Variants in ADRA1B observed in about 807,000 individuals in gnomAD.
ADRA1B encodes alpha-1B adrenergic receptor.
In ADRA1B, 17 loss-of-function variants were observed where a neutral mutation model predicts 17.9. That is an observed-to-expected ratio of 0.95 (90% CI 0.65 to 1.42). The LOEUF (loss-of-function observed/expected upper bound fraction) is 1.42, where lower values mean the gene tolerates loss of function less well. ADRA1B is among the 40% of genes most tolerant of loss of function. The pLI is 0.00. For missense variants in ADRA1B, 681 were observed against 722.1 expected (o/e 0.94, Z 0.65); for synonymous variants, 366 against 327.6 (o/e 1.12, Z -1.27).
chr5:159,964,346 C>T (rs1210766666), intron 1 of ADRA1B, among the ~76,000 whole-genome samples: 2 of 152,316 alleles, frequency 1.3e-5, no homozygotes, highest in African/African-American at 4.8e-5. Flanking sequence ...AAAGAGGGAG[C>T]AGGCCTCATT....
chr5:159,947,333 C>A (rs1201181006), intron 1 of ADRA1B, among the ~76,000 whole-genome samples: 2 of 151,786 alleles, frequency 1.3e-5, no homozygotes, highest in Non-Finnish European at 2.9e-5. Context: ...CAGAGCGAAA[C>A]TCCATCTTAA....
chr5:159,942,144 G>C (rs186275496), intron 1 of ADRA1B, among the ~76,000 whole-genome samples: 24 of 152,106 alleles, frequency 1.6e-4, no homozygotes, highest in Middle Eastern at 6.8e-3. Context: ...GGATGGTCTT[G>C]ATCTCCTGAC....
chr5:159,956,139 A>C (rs56001614), intron 1 of ADRA1B, among the ~76,000 whole-genome samples: 9,095 of 152,160 alleles, frequency 0.06, 334 homozygotes, highest in Middle Eastern at 0.078. Flanking sequence ...TACTCAGAAG[A>C]CTGAGGCAGG....
chr5:159,925,044 G>A (rs1316823063), intron 1 of ADRA1B, among the ~76,000 whole-genome samples: 1 of 152,182 alleles, frequency 6.6e-6, no homozygotes, highest in African/African-American at 2.4e-5. Flanking sequence ...AGCTCAGAGA[G>A]ATTGAGTGAT....
At chr5:159,921,107 T>A (rs1754467207) in intron 1 of ADRA1B, among the ~76,000 whole-genome samples, 1 of 152,188 alleles carries the variant, frequency 6.6e-6, no homozygotes, top group East Asian at 1.9e-4. Context: ...TTTTCCTTCA[T>A]CTCTTATTTT....
At chr5:159,931,009 T>A (rs1334448984) in intron 1 of ADRA1B, among the ~76,000 whole-genome samples, 1 of 147,366 alleles carries the variant, frequency 6.8e-6, no homozygotes, top group Admixed American at 6.8e-5. Context: ...TTTATAATAT[T>A]TATTATATAT....
intron 1 of ADRA1B, among the ~76,000 whole-genome samples, chr5:159,902,917 C>A (rs1340870833): frequency 6.6e-6 from 1 of 152,222 alleles, no homozygotes; most frequent in Non-Finnish European, 1.5e-5. Flanking sequence ...CTATTCCCCT[C>A]CTGATGAGTC....
At chr5:159,889,436 C>T (rs1753959270) in intron 1 of ADRA1B, among the ~76,000 whole-genome samples, 1 of 152,190 alleles carries the variant, frequency 6.6e-6, no homozygotes, top group Non-Finnish European at 1.5e-5. Context: ...CTTGAAGCCT[C>T]TTCCTATTTG....
At chr5:159,942,341 G>A (rs1428143315) in intron 1 of ADRA1B, among the ~76,000 whole-genome samples, 1 of 152,160 alleles carries the variant, frequency 6.6e-6, no homozygotes, top group African/African-American at 2.4e-5. Context: ...GTAAATTTAT[G>A]GTATGGGAAT....
chr5:159,986,578 C>G, the ADRA1B span, among the ~76,000 whole-genome samples: 1 of 152,188 alleles, frequency 6.6e-6, no homozygotes, highest in Non-Finnish European at 1.5e-5. Flanking sequence ...AGAAGAATCA[C>G]TCAGTGAGCT....
At chr5:159,924,043 A>T (rs889089040) in intron 1 of ADRA1B, among the ~76,000 whole-genome samples, 1 of 152,258 alleles carries the variant, frequency 6.6e-6, no homozygotes, top group African/African-American at 2.4e-5. Context: ...AACATTCATT[A>T]TATTATTCCT....
chr5:159,869,126 G>A (rs1029636609), intron 1 of ADRA1B: 2 of 152,188 alleles, frequency 1.3e-5, no homozygotes, highest in African/African-American at 4.8e-5. Context: ...AAAGTAAAGA[G>A]ATTATTATTA....
downstream of ADRA1B, among the ~76,000 whole-genome samples, chr5:159,974,634 CAAA>C (rs1196958378): frequency 6.6e-5 from 7 of 106,456 alleles, no homozygotes; most frequent in East Asian, 2.7e-4. Context: ...AAGACTCCAT[CAAA>C]AAAAAAAAAA....
At chr5:159,966,345 T>C (rs1755775796) in intron 1 of ADRA1B, among the ~76,000 whole-genome samples, 1 of 152,230 alleles carries the variant, frequency 6.6e-6, no homozygotes. Flanking sequence ...GTTTTTACCT[T>C]GCTTAATCCT....
chr5:159,925,596 G>A (rs1754622989), intron 1 of ADRA1B, among the ~76,000 whole-genome samples: 1 of 152,192 alleles, frequency 6.6e-6, no homozygotes, highest in African/African-American at 2.4e-5. Context: ...CACAAGATCA[G>A]GTGAGTTGGC....
chr5:159,959,082 C>CACAG (rs1422939465), intron 1 of ADRA1B, among the ~76,000 whole-genome samples: 1 of 152,222 alleles, frequency 6.6e-6, no homozygotes, highest in East Asian at 1.9e-4. Flanking sequence ...AAGGGCAAGA[C>CACAG]ACAGACCTCA....
chr5:159,925,226 C>T (rs948763418), intron 1 of ADRA1B, among the ~76,000 whole-genome samples: 15 of 152,202 alleles, frequency 9.9e-5, no homozygotes, highest in African/African-American at 3.6e-4. Context: ...AAAGAAAAAG[C>T]ATGTGGCTGC....
chr5:159,938,730 A>G (rs1755023445), intron 1 of ADRA1B, among the ~76,000 whole-genome samples: 1 of 152,264 alleles, frequency 6.6e-6, no homozygotes, highest in Admixed American at 6.5e-5. Context: ...AACAACTAAT[A>G]AGACCCTAAT....
chr5:159,984,033 T>C, the ADRA1B span, among the ~76,000 whole-genome samples: 4 of 152,106 alleles, frequency 2.6e-5, no homozygotes, highest in Non-Finnish European at 5.9e-5. Flanking sequence ...CAGCAACATT[T>C]GGTGTGACTG....
Sources: allele counts gnomAD v4.1 joint callset (sites outside exome capture counted in the v4.1 genomes callset), GRCh38; gene constraint gnomAD v4.1.1; transcripts MANE v1.5; gene names NCBI Gene and HGNC (gene_info 2026-07-23, HGNC 2026-07-21).